LMNTD1: variants seen among roughly 807,000 people sequenced by gnomAD.
LMNTD1 encodes lamin tail domain-containing protein 1.
A neutral mutation model predicts 50.9 loss-of-function variants in LMNTD1; 35 were observed. The ratio of observed to expected loss-of-function variants is 0.69; its 90% CI spans 0.53 to 0.91. The LOEUF (loss-of-function observed/expected upper bound fraction) is 0.91. Ranked by LOEUF, LMNTD1 falls within the 40% of genes least tolerant of loss-of-function variation. The probability of loss-of-function intolerance (pLI) is 0.00; values close to 1 mark genes in which losing one functional copy is unlikely to be tolerated. For synonymous variants in LMNTD1, 153 were observed against 161.9 expected, an observed-to-expected ratio of 0.94 and a Z score of 0.42; for missense variants, 470 against 475.5, an observed-to-expected ratio of 0.99 and a Z score of 0.11.
chr12:25,526,075 G>T, intron 6 of LMNTD1, 24 bp downstream of exon 6: 1 of 1,494,616 alleles, frequency 6.7e-7, no homozygotes. Flanking sequence ...AAAAAAAAAC[G>T]ATTGTTAAGA....
At chr12:25,551,593 G>A (rs554463367) in intron 2 of LMNTD1, among the ~76,000 whole-genome samples, 2 of 152,224 alleles carry the variant, frequency 1.3e-5, no homozygotes, top group South Asian at 4.2e-4. Context: ...GTGTTGCTAT[G>A]TTGCCCGGGC....
At chr12:25,563,558 G>A (rs1395217738) in intron 1 of LMNTD1, among the ~76,000 whole-genome samples, 1 of 152,182 alleles carries the variant, frequency 6.6e-6, no homozygotes, top group Non-Finnish European at 1.5e-5. Flanking sequence ...GGCCCCTACT[G>A]GGAGATGTCT....
chr12:25,604,183 A>G (rs1946043896), intron 1 of LMNTD1, among the ~76,000 whole-genome samples: 1 of 152,046 alleles, frequency 6.6e-6, no homozygotes, highest in Admixed American at 6.6e-5. Context: ...TTTACATTAT[A>G]TTGACTTAAA....
intron 1 of LMNTD1, among the ~76,000 whole-genome samples, chr12:25,640,596 A>T (rs1190109690): frequency 5.3e-5 from 8 of 152,224 alleles, no homozygotes; most frequent in Non-Finnish European, 1.5e-5. Flanking sequence ...AATGTTATTT[A>T]AAAATTTATT....
chr12:25,537,387 G>C (rs1034223177), intron 4 of LMNTD1, among the ~76,000 whole-genome samples: 8 of 152,220 alleles, frequency 5.3e-5, no homozygotes, highest in African/African-American at 1.4e-4. Flanking sequence ...GGAATGGGCA[G>C]ACTGCCTCCT....
intron 4 of LMNTD1, among the ~76,000 whole-genome samples, chr12:25,536,882 A>C (rs1942626667): frequency 6.6e-6 from 1 of 152,262 alleles, no homozygotes; most frequent in African/African-American, 2.4e-5. Flanking sequence ...ACCGTGCGCG[A>C]GCCGAAGCAG....
At chr12:25,620,176 CCCA>C (rs1946440666) in intron 1 of LMNTD1, among the ~76,000 whole-genome samples, 1 of 152,146 alleles carries the variant, frequency 6.6e-6, no homozygotes, top group African/African-American at 2.4e-5. Context: ...ACTGTGTTTT[CCCA>C]CAAGTGATTG....
At chr12:25,477,652 T>A (rs2135900363) in intron 9 of LMNTD1, among the ~76,000 whole-genome samples, 1 of 152,192 alleles carries the variant, frequency 6.6e-6, no homozygotes, top group South Asian at 2.1e-4. Context: ...TTTTTCCTGG[T>A]GGAGTGACCC....
At chr12:25,588,556 C>T (rs1945607637) in intron 1 of LMNTD1, among the ~76,000 whole-genome samples, 1 of 151,926 alleles carries the variant, frequency 6.6e-6, no homozygotes, top group Non-Finnish European at 1.5e-5. Flanking sequence ...GGGATGCATA[C>T]ATAGTAAAAC....
At chr12:25,482,404 T>C (rs904218920) in intron 9 of LMNTD1, among the ~76,000 whole-genome samples, 2 of 151,836 alleles carry the variant, frequency 1.3e-5, no homozygotes, top group Admixed American at 6.5e-5. Context: ...TCTACTTTCA[T>C]GAAGAAAAAA....
intron 6 of LMNTD1, among the ~76,000 whole-genome samples, chr12:25,523,816 T>TA (rs745735879): frequency 0.079 from 6,387 of 80,416 alleles, 359 homozygotes; most frequent in African/African-American, 0.18. Flanking sequence ...GTGACTCAGG[T>TA]AAAAAAAAAA....
intron 1 of LMNTD1, among the ~76,000 whole-genome samples, chr12:25,589,794 G>A (rs1945641775): frequency 6.6e-6 from 1 of 152,178 alleles, no homozygotes; most frequent in South Asian, 2.1e-4. Flanking sequence ...TGAAGAGAGT[G>A]TAGATGGTAA....
intron 1 of LMNTD1, among the ~76,000 whole-genome samples, chr12:25,614,477 G>A (rs1946311997): frequency 6.6e-6 from 1 of 152,128 alleles, no homozygotes; most frequent in African/African-American, 2.4e-5. Context: ...AGTCATCCAT[G>A]AACTGAGTTC....
At chr12:25,542,671 T>C (rs1337707447) in intron 4 of LMNTD1, among the ~76,000 whole-genome samples, 1 of 151,230 alleles carries the variant, frequency 6.6e-6, no homozygotes, top group Non-Finnish European at 1.5e-5. Context: ...TGTATACATA[T>C]GTAACTAACC....
chr12:25,480,742 A>G (rs1268530547), intron 9 of LMNTD1, among the ~76,000 whole-genome samples: 3 of 152,168 alleles, frequency 2.0e-5, no homozygotes, highest in Non-Finnish European at 2.9e-5. Flanking sequence ...TAATATTACT[A>G]TATTTTCAGA....
At chr12:25,559,372 A>C (rs1322277616) in intron 1 of LMNTD1, among the ~76,000 whole-genome samples, 1 of 152,184 alleles carries the variant, frequency 6.6e-6, no homozygotes, top group Non-Finnish European at 1.5e-5. Flanking sequence ...AAAGGACATG[A>C]ACTCGTCCTT....
chr12:25,565,670 C>T (rs1001418108), intron 1 of LMNTD1, among the ~76,000 whole-genome samples: 5 of 152,158 alleles, frequency 3.3e-5, no homozygotes, highest in African/African-American at 7.2e-5. Flanking sequence ...TGTATATTTA[C>T]TATTACCAGT....
Position 25,581,434 on chromosome 12 carries a change from T to G in LMNTD1, c.59-34880A>C, listed in dbSNP as rs1361736180. ...CATAGTTATGTTGTTTCTCTGACTC[T>G]TTGAACCTATTAGGATTAGGAAAGG... On this transcript the variant is annotated intron_variant, in intron 1 of 7. Coordinates refer to the LMNTD1 transcript ENST00000445693. 3.3e-5 allele frequency among the ~76,000 whole-genome samples: 5 copies of G among 152,184 alleles called. No individual in the cohort carries two copies. The East Asian group carries it at 7.7e-4, about 23-fold the overall frequency.
intron 9 of LMNTD1, among the ~76,000 whole-genome samples, chr12:25,499,135 G>C (rs568691523): frequency 1.3e-3 from 199 of 152,266 alleles, no homozygotes; most frequent in Admixed American, 3.9e-3. Context: ...GCAGTGGCAT[G>C]ATCCTAGCTC....
Sources: gnomAD v4.1 joint callset for allele counts (sites outside exome capture counted in the v4.1 genomes callset) on GRCh38, gnomAD v4.1.1 for gene constraint, MANE v1.5 for transcripts, NCBI Gene and HGNC (gene_info 2026-07-23, HGNC 2026-07-21) for gene names.